The following PCDH11X variants were observed in gnomAD, a reference collection of about 807,000 sequenced individuals.
PCDH11X encodes the protein protocadherin 11 X-linked.
PCDH11X carries 18 observed loss-of-function variants against 53.3 expected under a neutral mutation model. The observed-to-expected ratio is 0.34, with a 90% CI of 0.23 to 0.50. The LOEUF (loss-of-function observed/expected upper bound fraction) is 0.50, where lower values mean the gene tolerates loss of function less well. Ranked by LOEUF, PCDH11X falls within the 20% of genes least tolerant of loss-of-function variation. The pLI, the probability that PCDH11X is intolerant of heterozygous loss-of-function variation, is 0.98. For missense variants in PCDH11X, 570 were observed against 1,032.4 expected, an observed-to-expected ratio of 0.55 and a Z score of 6.14; for synonymous variants, 279 against 393.3, an observed-to-expected ratio of 0.71 and a Z score of 3.44.
chrX:92,489,212 T>C (rs946543268), intron 10 of PCDH11X, among the ~76,000 whole-genome samples: 6 of 109,868 alleles, frequency 5.5e-5, no homozygotes, highest in African/African-American at 2.0e-4. Context: ...GAAATCTAGA[T>C]GTGAATGAGG....
Position 92,537,078 on chromosome X carries a change from A to G in PCDH11X, c.3367+68756A>G, listed in dbSNP as rs186455020. On this transcript the variant is annotated intron_variant, in intron 10 of 10. Transcript: ENST00000682573. ...TTATGAAGTTATTTTATCTTCTTAT[A>G]TATTCTGGTTATGAATCCCTTGACA... 1.1e-4 allele frequency among the ~76,000 whole-genome samples: 12 copies of G among 111,740 alleles called. No individual in the cohort carries two copies. In the East Asian group the frequency reaches 3.4e-3, roughly 31 times the overall value.
intron 10 of PCDH11X, among the ~76,000 whole-genome samples, chrX:92,557,790 A>G: frequency 9.0e-6 from 1 of 110,865 alleles, no homozygotes; most frequent in Middle Eastern, 4.7e-3. Flanking sequence ...CTTGGTACAA[A>G]TTTACTGTAT....
chrX:91,993,135 G>T (rs2062354200), intron 6 of PCDH11X, among the ~76,000 whole-genome samples: 1 of 112,033 alleles, frequency 8.9e-6, no homozygotes, highest in Non-Finnish European at 1.9e-5. Flanking sequence ...GGCCACACAG[G>T]TTGTACCAAT....
intron 6 of PCDH11X, among the ~76,000 whole-genome samples, chrX:91,902,632 T>A (rs1940997789): frequency 9.1e-6 from 1 of 109,728 alleles, no homozygotes; most frequent in Non-Finnish European, 1.9e-5. Context: ...CACCTGAGAT[T>A]TTGACTGATA....
intron 5 of PCDH11X, among the ~76,000 whole-genome samples, chrX:91,872,660 G>C (rs1939389223): frequency 9.5e-6 from 1 of 105,357 alleles, no homozygotes; most frequent in African/African-American, 3.4e-5. Context: ...TTGGAATTCA[G>C]GGTAGTGCAG....
At chrX:92,285,986 C>T (rs2068361759) in intron 8 of PCDH11X, among the ~76,000 whole-genome samples, 1 of 112,709 alleles carries the variant, frequency 8.9e-6, no homozygotes, top group Non-Finnish European at 1.9e-5. Context: ...GCACAGATCG[C>T]TCATGCTATT....
chrX:92,018,764 A>G (rs2062837700), intron 6 of PCDH11X, among the ~76,000 whole-genome samples: 1 of 112,605 alleles, frequency 8.9e-6, no homozygotes, highest in Admixed American at 9.4e-5. Flanking sequence ...ACACACATAC[A>G]CACACATTGC....
chrX:91,886,760 A>G (rs1357403636), intron 6 of PCDH11X, among the ~76,000 whole-genome samples: 3 of 109,394 alleles, frequency 2.7e-5, no homozygotes, highest in Admixed American at 9.9e-5. Context: ...TCACAAGGTC[A>G]GGAGATCGAG....
chrX:92,374,767 G>A (rs2070701775), intron 8 of PCDH11X, among the ~76,000 whole-genome samples: 1 of 110,646 alleles, frequency 9.0e-6, no homozygotes, highest in Non-Finnish European at 1.9e-5. Flanking sequence ...TTTAACAAAT[G>A]TCTTCGGAAT....
At chrX:92,388,305 T>A (rs1322513763) in intron 9 of PCDH11X, among the ~76,000 whole-genome samples, 1 of 111,142 alleles carries the variant, frequency 9.0e-6, no homozygotes, top group Non-Finnish European at 1.9e-5. Context: ...GATTTTATTT[T>A]TATTTTTAGT....
chrX:91,851,890 C>G (rs1272311714), intron 5 of PCDH11X, among the ~76,000 whole-genome samples: 1 of 110,059 alleles, frequency 9.1e-6, no homozygotes, highest in Non-Finnish European at 1.9e-5. Context: ...TCCTGGCATA[C>G]AAATAATCTA....
chrX:92,534,741 G>A (rs1456638756), intron 10 of PCDH11X, among the ~76,000 whole-genome samples: 1 of 111,315 alleles, frequency 9.0e-6, no homozygotes, highest in South Asian at 3.8e-4. Flanking sequence ...GAGAGTGGGG[G>A]CCAATATTCA....
chrX:92,451,930 A>G (rs963633071), intron 9 of PCDH11X, among the ~76,000 whole-genome samples: 12 of 108,724 alleles, frequency 1.1e-4, no homozygotes, highest in Non-Finnish European at 1.7e-4. Context: ...TTAAAGTTTC[A>G]TCTACTATAC....
At chrX:92,129,497 T>C (rs1291233449) in intron 6 of PCDH11X, among the ~76,000 whole-genome samples, 1 of 112,108 alleles carries the variant, frequency 8.9e-6, no homozygotes, top group Non-Finnish European at 1.9e-5. Flanking sequence ...CTGAAAAGCA[T>C]ACAAATTTAT....
At chrX:92,033,014 C>T (rs1305732295) in intron 6 of PCDH11X, among the ~76,000 whole-genome samples, 2 of 107,046 alleles carry the variant, frequency 1.9e-5, no homozygotes, top group African/African-American at 6.9e-5. Context: ...TCCATGTTGC[C>T]CAGGCTGGTC....
chrX:92,224,560 T>A (rs2066936863), intron 7 of PCDH11X, among the ~76,000 whole-genome samples: 1 of 111,333 alleles, frequency 9.0e-6, no homozygotes, highest in Non-Finnish European at 1.9e-5. Context: ...ACTGTGTTCA[T>A]GTATGGCCAA....
chrX:92,384,279 G>C (rs1415234726), intron 8 of PCDH11X, among the ~76,000 whole-genome samples: 1 of 109,016 alleles, frequency 9.2e-6, no homozygotes, highest in Non-Finnish European at 1.9e-5. Flanking sequence ...TAGGTTGCCG[G>C]CTCACTCTGA....
At chrX:92,092,842 T>C (rs1057091125) in intron 6 of PCDH11X, among the ~76,000 whole-genome samples, 3 of 111,714 alleles carry the variant, frequency 2.7e-5, no homozygotes, top group African/African-American at 6.5e-5. Context: ...CCAAATCTCA[T>C]GTCCAATTGT....
At chrX:92,446,518 G>T (rs1253791864) in intron 9 of PCDH11X, among the ~76,000 whole-genome samples, 1 of 110,880 alleles carries the variant, frequency 9.0e-6, no homozygotes, top group Non-Finnish European at 1.9e-5. Flanking sequence ...AAAAACGGAA[G>T]TTTCCCTGCA....
Sources: allele counts gnomAD v4.1 joint callset (sites outside exome capture counted in the v4.1 genomes callset), GRCh38; gene constraint gnomAD v4.1.1; transcripts MANE v1.5; gene names NCBI Gene and HGNC (gene_info 2026-07-23, HGNC 2026-07-21).